Variants in EFTUD2 observed in about 807,000 individuals in gnomAD.
EFTUD2 encodes 116 kDa U5 small nuclear ribonucleoprotein component.
In EFTUD2, 9 loss-of-function variants were observed where a neutral mutation model predicts 114.3. The ratio of observed to expected loss-of-function variants is 0.08; its 90% CI spans 0.05 to 0.14. The LOEUF (loss-of-function observed/expected upper bound fraction) is 0.14, where lower values mean the gene tolerates loss of function less well. Among genes scored for constraint, EFTUD2 ranks in the 10% least tolerant of loss-of-function variants. The pLI is 1.00. For synonymous variants in EFTUD2, 449 were observed against 462.3 expected, an observed-to-expected ratio of 0.97 and a Z score of 0.37; for missense variants, 765 against 1,241.2, an observed-to-expected ratio of 0.62 and a Z score of 5.76.
At chr17:44,863,186 AT>A in intron 15 of EFTUD2, 1 of 327,084 alleles carries the variant, frequency 3.1e-6, no homozygotes, top group Non-Finnish European at 5.6e-6. Flanking sequence ...TATTGGCAAG[AT>A]TACTTACTGT....
At chr17:44,885,364 T>C in intron 3 of EFTUD2, 30 bp from the exon 4 acceptor site, 1 of 1,473,210 alleles carries the variant, frequency 6.8e-7, no homozygotes, top group Non-Finnish European at 9.5e-7. Context: ...TAGTGATGTG[T>C]AGGTGGGCAT....
At chr17:44,862,936 C>A in intron 15 of EFTUD2, 30 bp from the exon 16 acceptor site, 2 of 1,585,226 alleles carry the variant, frequency 1.3e-6, no homozygotes, top group Non-Finnish European at 1.7e-6. Flanking sequence ...GCAGCTTCAA[C>A]CACATCTATG....
rs901125802 is a variant in EFTUD2, at chr17:44,863,694, G to T, written c.1374C>A (p.Asp458Glu). 3.1e-6 allele frequency: 5 copies of T among 1,614,186 alleles called. No individual in the cohort carries two copies. Among genetic ancestry groups the T allele is most frequent in the Non-Finnish European group, 4.2e-6 (5 of 1,180,020 alleles). ...KIEHTYTGGV[D>E]SDLGEAMSDC... ...CACTCATAGCCTCGCCGAGGTCGGA[G>T]TCCACACCACCGGTGTAGGTGTGCT... Residue 458 changes from aspartate to glutamate, a missense_variant, in exon 15 of 28, where the codon GAC (aspartate) becomes GAA (glutamate). Physicochemically the swap from Asp to Glu is conservative, Grantham distance 45 (BLOSUM62 2). Coordinates refer to ENST00000426333, the MANE Select transcript of EFTUD2 (RefSeq NM_004247.4).
intron 10 of EFTUD2, among the ~76,000 whole-genome samples, chr17:44,874,573 C>T (rs1159278293): frequency 2.6e-5 from 4 of 152,120 alleles, no homozygotes; most frequent in Admixed American, 6.6e-5. Flanking sequence ...TTCAGTAGGA[C>T]GGCCTCCTCA....
At chr17:44,883,599 C>T in intron 5 of EFTUD2, 50 bp downstream of exon 5, 1 of 1,546,644 alleles carries the variant, frequency 6.5e-7, no homozygotes, top group Non-Finnish European at 8.9e-7. Flanking sequence ...AAAACATGAG[C>T]AGGTACAAAA....
chr17:44,882,793 C>T (rs2051095952), intron 6 of EFTUD2, among the ~76,000 whole-genome samples: 1 of 152,064 alleles, frequency 6.6e-6, no homozygotes, highest in Non-Finnish European at 1.5e-5. Flanking sequence ...ATTTATAGAG[C>T]AGGCTATTAA....
Position 44,883,744 on chromosome 17 carries a change from G to C in EFTUD2, c.351-20C>G. On this transcript the variant is annotated intron_variant, in intron 4 of 27. Transcript: ENST00000426333. ...AAGAAACTGAAAGGACAAAGGAAAA[G>C]AGAAAAGAGAGATTGGCAAACGTTT... is the stretch of plus-strand genomic sequence containing the variant. 3 of 1,612,532 alleles carry C rather than the reference G, an allele frequency of 1.9e-6. No individual in the cohort carries two copies. Among genetic ancestry groups the C allele is most frequent in the African/African-American group, 1.3e-5 (1 of 75,016 alleles).
chr17:44,860,382 T>C, intron 17 of EFTUD2, 50 bp downstream of exon 17: 2 of 1,290,278 alleles, frequency 1.6e-6, no homozygotes, highest in Non-Finnish European at 2.3e-6. Flanking sequence ...TGTGTGTCCC[T>C]GGGACCATCT....
At chr17:44,897,727 G>A (rs1281794871) in intron 1 of EFTUD2, among the ~76,000 whole-genome samples, 1 of 152,072 alleles carries the variant, frequency 6.6e-6, no homozygotes, top group Non-Finnish European at 1.5e-5. Context: ...ATCACACTTG[G>A]CTAATTTTTG....
intron 11 of EFTUD2, among the ~76,000 whole-genome samples, chr17:44,870,035 G>T (rs1173877397): frequency 6.6e-6 from 1 of 152,210 alleles, no homozygotes; most frequent in African/African-American, 2.4e-5. Flanking sequence ...GTGACCATGG[G>T]CATAGTTTCC....
chr17:44,883,033 G>C, intron 6 of EFTUD2, 60 bp downstream of exon 6: 3 of 1,526,592 alleles, frequency 2.0e-6, no homozygotes, highest in Non-Finnish European at 1.8e-6. Context: ...AAGGAGGAGA[G>C]AGACATCTCT....
In EFTUD2 at chr17:44,851,800, G is replaced by C; in HGVS notation, c.2733C>G (p.Pro911=). The change falls in exon 27 of 28, where the codon CCC becomes CCG. Residue 911 remains proline, a synonymous_variant. Coordinates refer to ENST00000426333, the MANE Select transcript of EFTUD2 (RefSeq NM_004247.4). ...FHHWQIVPGD[P]LDKSIVIRPL... The stretch of plus-strand genomic sequence containing the variant: ...GGCGGATGACAATGCTCTTGTCCAG[G>C]GGATCACCAGGCACAATCTAAAAGG... 1 of 1,609,608 alleles carries C rather than the reference G, an allele frequency of 6.2e-7. No individual in the cohort carries two copies. Among genetic ancestry groups the C allele is most frequent in the East Asian group, 2.2e-5 (1 of 44,708 alleles).
At chr17:44,869,336 T>C (rs1431230430) in intron 11 of EFTUD2, among the ~76,000 whole-genome samples, 1 of 152,196 alleles carries the variant, frequency 6.6e-6, no homozygotes, top group Non-Finnish European at 1.5e-5. Context: ...TCTTGCTTTG[T>C]CATCCACACT....
chr17:44,852,282 C>T, intron 26 of EFTUD2, 127 bp downstream of exon 26: 1 of 1,213,092 alleles, frequency 8.2e-7, no homozygotes, highest in South Asian at 1.6e-5. Context: ...ATATATGCTC[C>T]CCAGAGGAGG....
chr17:44,896,642 G>A (rs1213026864), intron 1 of EFTUD2, among the ~76,000 whole-genome samples: 11 of 152,056 alleles, frequency 7.2e-5, no homozygotes, highest in Non-Finnish European at 1.3e-4. Context: ...GTGAGACTCC[G>A]TCTCGAAAAA....
At position 44,851,126 on chromosome 17, in the gene EFTUD2, G is replaced by T. The variant is rs984052565; in HGVS notation, c.*148C>A. ...TGCTCCTCTCTCACTGGGGCTCTGG[G>T]TTGGAGGTTGGTGAGTTGTTCAAGA... On this transcript the variant is annotated 3_prime_UTR_variant, in exon 28 of 28. Coordinates refer to ENST00000426333, the MANE Select transcript of EFTUD2 (RefSeq NM_004247.4). The T allele has an allele frequency of 4.4e-6, 3 of 687,254 alleles. No individual in the cohort carries two copies. Among genetic ancestry groups the T allele is most frequent in the Non-Finnish European group, 7.9e-6 (3 of 381,238 alleles). 42.6% of individuals were successfully genotyped at this position (687,254 alleles called of 1,614,324 possible). A position where few individuals can be genotyped will look rare whatever the true frequency, so the allele number is the denominator to read the frequency against.
At chr17:44,859,019 G>C in intron 19 of EFTUD2, 61 bp downstream of exon 19, 1 of 1,099,858 alleles carries the variant, frequency 9.1e-7, no homozygotes, top group East Asian at 2.4e-5. Flanking sequence ...GGAATTCAAG[G>C]ATTTGGTCAC....
chr17:44,860,970 C>T (rs1188508526), intron 16 of EFTUD2, among the ~76,000 whole-genome samples: 8 of 152,106 alleles, frequency 5.3e-5, no homozygotes, highest in South Asian at 2.1e-4. Context: ...TACATTCTAG[C>T]AGGGGAGAGA....
At chr17:44,851,404 G>A (rs1253829539) in intron 27 of EFTUD2, 35 bp from the exon 28 acceptor site, 2 of 1,550,842 alleles carry the variant, frequency 1.3e-6, no homozygotes, top group African/African-American at 2.7e-5. Context: ...GAAAGCCCGA[G>A]GTGGTCGCAG....
Sources: gnomAD v4.1 joint callset for allele counts (sites outside exome capture counted in the v4.1 genomes callset) on GRCh38, gnomAD v4.1.1 for gene constraint, MANE v1.5 for transcripts, NCBI Gene and HGNC (gene_info 2026-07-23, HGNC 2026-07-21) for gene names.